The following MYO3B variants were observed in gnomAD, a reference collection of about 807,000 sequenced individuals.
MYO3B encodes myosin IIIB, also known as myosin-IIIb.
MYO3B carries 156 observed loss-of-function variants against 174.6 expected under a neutral mutation model. The observed-to-expected ratio is 0.89, with a 90% CI of 0.78 to 1.02. The LOEUF (loss-of-function observed/expected upper bound fraction) is 1.02, where lower values mean the gene tolerates loss of function less well. Ranked by LOEUF, MYO3B falls within the 50% of genes least tolerant of loss-of-function variation. MYO3B has a pLI of 0.00. For missense variants in MYO3B, 1,632 were observed against 1,639.4 expected (o/e 1.00, Z 0.08); for synonymous variants, 563 against 569.1 (o/e 0.99, Z 0.15).
At chr2:170,234,358 T>C (rs965722634) in intron 6 of MYO3B, among the ~76,000 whole-genome samples, 1 of 152,172 alleles carries the variant, frequency 6.6e-6, no homozygotes, top group Non-Finnish European at 1.5e-5. Flanking sequence ...TGGGCCTTCA[T>C]ACTATGTCCT....
chr2:170,527,960 A>G (rs1025944884), intron 30 of MYO3B, among the ~76,000 whole-genome samples: 1 of 152,270 alleles, frequency 6.6e-6, no homozygotes, highest in Non-Finnish European at 1.5e-5. Flanking sequence ...TGATGAATGG[A>G]CAAATGAATA....
chr2:170,520,476 C>T (rs945735904), intron 30 of MYO3B, among the ~76,000 whole-genome samples: 2 of 141,670 alleles, frequency 1.4e-5, no homozygotes, highest in Admixed American at 7.5e-5. Context: ...CATATATATA[C>T]ACATATATAT....
chr2:170,204,267 T>C (rs1318163086), intron 3 of MYO3B, among the ~76,000 whole-genome samples: 2 of 152,244 alleles, frequency 1.3e-5, no homozygotes, highest in African/African-American at 4.8e-5. Flanking sequence ...TGAAGTAATT[T>C]TGACTGTCTT....
intron 32 of MYO3B, among the ~76,000 whole-genome samples, chr2:170,551,825 G>A (rs975606177): frequency 2.6e-5 from 4 of 152,142 alleles, no homozygotes; most frequent in Non-Finnish European, 5.9e-5. Flanking sequence ...GGAGGTGATT[G>A]GATCATTGAG....
Position 170,178,357 on chromosome 2 carries a change from C to A in MYO3B, c.2+68C>A, listed in dbSNP as rs924892162. Reference sequence around the variant, plus strand: ...CTTTAGATTGTTTTTCTGCAAAGGGCAGATGCAGCTGCCCTGGCTGGTGGG... The same window carrying A: ...CTTTAGATTGTTTTTCTGCAAAGGGAAGATGCAGCTGCCCTGGCTGGTGGG... On this transcript the variant is annotated intron_variant, in intron 1 of 34. Transcript: ENST00000408978. 5.6e-6 allele frequency: 9 copies of A among 1,604,260 alleles called. No homozygotes were observed. The African/African-American group carries it at 1.2e-4, about 21-fold the overall frequency.
Position 170,542,942 on chromosome 2 carries a change from T to C in MYO3B, c.3612T>C (p.Asp1204=). The change falls in exon 31 of 35, where the codon GAT becomes GAC. Residue 1204 remains aspartate (D), a synonymous_variant. Transcript: ENST00000408978. ...SQAQSSPKGC[D]IFAGHANKHS... is the part of the protein sequence containing the mutation. ...CCCAGAGTTCTCCAAAAGGGTGCGATATCTTCGCAGGACATGCAAACAAGG... is the reference window on the plus strand; with the variant it reads ...CCCAGAGTTCTCCAAAAGGGTGCGACATCTTCGCAGGACATGCAAACAAGG... 1 of 1,610,540 alleles carries C rather than the reference T, an allele frequency of 6.2e-7. No individual in the cohort carries two copies.
At chr2:170,443,342 G>T (rs929307971) in intron 22 of MYO3B, among the ~76,000 whole-genome samples, 7 of 152,214 alleles carry the variant, frequency 4.6e-5, no homozygotes, top group Non-Finnish European at 8.8e-5. Flanking sequence ...TGATGGGGTT[G>T]TTTGATTTTT....
intron 32 of MYO3B, among the ~76,000 whole-genome samples, chr2:170,648,433 C>A (rs1559199331): frequency 6.6e-6 from 1 of 151,714 alleles, no homozygotes; most frequent in Admixed American, 6.6e-5. Flanking sequence ...AGTTCGAGAC[C>A]AGGCTGGGCA....
intron 22 of MYO3B, among the ~76,000 whole-genome samples, chr2:170,417,420 C>T (rs1477209880): frequency 2.0e-5 from 3 of 152,208 alleles, no homozygotes; most frequent in African/African-American, 4.8e-5. Context: ...TGTTAAATAA[C>T]TCAGTTAACT....
At chr2:170,589,206 C>T (rs1693672706) in intron 32 of MYO3B, among the ~76,000 whole-genome samples, 1 of 152,034 alleles carries the variant, frequency 6.6e-6, no homozygotes, top group African/African-American at 2.4e-5. Context: ...TATCATGGAC[C>T]CCAACACTGA....
At chr2:170,242,109 T>C (rs1440170791) in intron 7 of MYO3B, among the ~76,000 whole-genome samples, 1 of 152,202 alleles carries the variant, frequency 6.6e-6, no homozygotes, top group Non-Finnish European at 1.5e-5. Context: ...GGATTTGCCC[T>C]GGGGAGTATT....
At chr2:170,424,442 C>G (rs915897411) in intron 22 of MYO3B, among the ~76,000 whole-genome samples, 1 of 152,066 alleles carries the variant, frequency 6.6e-6, no homozygotes, top group Admixed American at 6.6e-5. Flanking sequence ...CATGGTGAAA[C>G]CCCGTCTCTA....
At position 170,214,326 on chromosome 2, in the gene MYO3B, C is replaced by T. The variant is rs2092804258; in HGVS notation, c.322-53C>T. On this transcript the variant is annotated intron_variant, in intron 3 of 34. Coordinates refer to ENST00000408978, the MANE Select transcript of MYO3B (RefSeq NM_138995.5). ...GCTTTTCTTAATTTCTTTTTCTTTT[C>T]TTTTTCACATGTGGTCTCCTGCTCT... The T allele has an allele frequency of 3.4e-6, 5 of 1,451,464 alleles. No individual in the cohort carries two copies. The Admixed American group carries it at 9.5e-5, about 28-fold the overall frequency. The allele number at this position is 1,451,464 out of a possible 1,614,324, so 89.9% of individuals were successfully genotyped here.
At chr2:170,502,163 A>C (rs766240407) in intron 28 of MYO3B, among the ~76,000 whole-genome samples, 4 of 152,194 alleles carry the variant, frequency 2.6e-5, no homozygotes, top group Admixed American at 2.6e-4. Context: ...CTTGTCCACC[A>C]TCACACAGTT....
intron 30 of MYO3B, among the ~76,000 whole-genome samples, chr2:170,542,444 T>G (rs138702522): frequency 1.3e-5 from 2 of 152,222 alleles, no homozygotes; most frequent in Non-Finnish European, 2.9e-5. Flanking sequence ...TTTTAAAAGA[T>G]TATTCCTGCA....
intron 8 of MYO3B, among the ~76,000 whole-genome samples, chr2:170,351,874 A>G (rs2094073799): frequency 6.6e-6 from 1 of 152,210 alleles, no homozygotes; most frequent in Non-Finnish European, 1.5e-5. Flanking sequence ...CGTAAAAACT[A>G]ACTCTAATCA....
rs115814734 is a variant in MYO3B at position 170,470,641 on chromosome 2, A to G, written c.3014+3930A>G. Among the ~76,000 whole-genome samples, 1,135 of 152,306 alleles carry G rather than the reference A, an allele frequency of 7.5e-3. 16 individuals carry two copies. The highest frequency in any genetic ancestry group is 0.026 in the African/African-American group (1,081 of 41,576). On this transcript the variant is annotated intron_variant, in intron 25 of 34. Coordinates refer to ENST00000408978, the MANE Select transcript of MYO3B (RefSeq NM_138995.5). The stretch of plus-strand genomic sequence containing the variant: ...TACCTACGAGTAGAATTTCTTGGTC[A>G]TATGGTAACCCTCTGTTCCAAGTGG...
At chr2:170,580,953 G>A (rs556720077) in intron 32 of MYO3B, among the ~76,000 whole-genome samples, 17 of 151,668 alleles carry the variant, frequency 1.1e-4, no homozygotes, top group Admixed American at 2.0e-4. Flanking sequence ...ATGATTTCTC[G>A]CTATTATAAA....
Position 170,265,017 on chromosome 2 carries a change from C to A in MYO3B, c.749+28881C>A, listed in dbSNP as rs974909984. Among the ~76,000 whole-genome samples, 3 of 152,064 alleles carry A rather than the reference C, an allele frequency of 2.0e-5. No individual in the cohort carries two copies. The East Asian group carries it at 5.8e-4, about 29-fold the overall frequency. ...TGTGAGAGGAGATAATTGTTGAGGG[C>A]AGAGTTTTAAAAAGCCTTTTAAAGA... On this transcript the variant is annotated intron_variant, in intron 7 of 34. Coordinates refer to ENST00000408978, the MANE Select transcript of MYO3B (RefSeq NM_138995.5).
Sources: allele counts gnomAD v4.1 joint callset (sites outside exome capture counted in the v4.1 genomes callset), GRCh38; gene constraint gnomAD v4.1.1; transcripts MANE v1.5; gene names NCBI Gene and HGNC (gene_info 2026-07-23, HGNC 2026-07-21).